The following EPHB6 variants were observed in gnomAD, a reference collection of about 807,000 sequenced individuals.
EPHB6 encodes EPH receptor B6, also known as ephrin type-B receptor 6.
A neutral mutation model predicts 107.0 loss-of-function variants in EPHB6; 51 were observed. The observed-to-expected ratio is 0.48, with a 90% CI of 0.38 to 0.60. EPHB6 has a LOEUF of 0.60. Ranked by LOEUF, EPHB6 falls within the 20% of genes least tolerant of loss-of-function variation. The pLI, the probability that EPHB6 is intolerant of heterozygous loss-of-function variation, is 0.00. For synonymous variants in EPHB6, 553 were observed against 549.0 expected (o/e 1.01, Z -0.10); for missense variants, 1,141 against 1,355.5 (o/e 0.84, Z 2.48).
chr7:142,856,170 G>C (rs1230100903), intron 1 of EPHB6, among the ~76,000 whole-genome samples: 2 of 152,206 alleles, frequency 1.3e-5, no homozygotes, highest in African/African-American at 4.8e-5. Flanking sequence ...CGCCCGCCAG[G>C]GGAACTTGAC....
In EPHB6 at chr7:142,870,343, G is replaced by C. The variant is rs958675514; in HGVS notation, c.2740G>C (p.Ala914Pro). The C allele has an allele frequency of 6.2e-7, 1 of 1,614,214 alleles. No individual in the cohort carries two copies. The highest frequency in any genetic ancestry group is 1.7e-5 in the Admixed American group (1 of 60,030). ...GCGGCCTCATTTTGACCAGCTGGTG[G>C]CTGCATTTGACAAGATGATCCGCAA... ...ARRPHFDQLV[A>P]AFDKMIRKPD... Residue 914 changes from alanine (A) to proline (P), a missense_variant, in exon 18 of 20, where the codon GCT becomes CCT. By Grantham distance (27) the Ala-to-Pro change is conservative. This residue lies in a region of EPHB6 where 616 missense variants were observed against 759.3 expected (regional missense o/e 0.81). Transcript: ENST00000652003.
At position 142,870,304 on chromosome 7, in the gene EPHB6, A is replaced by G. The variant is rs559197009; in HGVS notation, c.2701A>G (p.Lys901Glu). 83 of 1,614,220 alleles carry G rather than the reference A, an allele frequency of 5.1e-5. 1 individual carries two copies. The South Asian group carries it at 8.5e-4, about 16-fold the overall frequency. The change falls in exon 18 of 20, where the codon AAG becomes GAG. Residue 901 changes from lysine to glutamate, a missense_variant. Around this residue, in one of 3 missense-constraint regions of EPHB6, gnomAD observed 616 missense variants for 759.3 expected, o/e 0.81. Coordinates refer to ENST00000652003, the MANE Select transcript of EPHB6 (RefSeq NM_004445.6). ...TCTACTTATGTTGGACACTTGGCAG[A>G]AGGACCGTGCCCGGCGGCCTCATTT... ...LHLLMLDTWQ[K>E]DRARRPHFDQ...
Position 142,855,168 on chromosome 7 carries a change from G to T in EPHB6, c.-649G>T, listed in dbSNP as rs1802538544. On this transcript the variant is annotated 5_prime_UTR_variant, in exon 1 of 20. Coordinates refer to ENST00000652003, the MANE Select transcript of EPHB6 (RefSeq NM_004445.6). The surrounding 1 kb of genome is among the most constrained non-coding windows in gnomAD (Gnocchi z 4.2). Reference sequence around the variant, plus strand: ...CGGCGATCTCGACGCGGGCCCCCAGGATCTCCCGGCGCCCCACCTCTGGAG... The same window carrying T: ...CGGCGATCTCGACGCGGGCCCCCAGTATCTCCCGGCGCCCCACCTCTGGAG... 6.6e-6 allele frequency: 1 copy of T among 151,890 alleles called. No individual in the cohort carries two copies. The highest frequency in any genetic ancestry group is 6.6e-5 in the Admixed American group (1 of 15,264). 9.4% of individuals were successfully genotyped at this position (151,890 alleles called of 1,614,324 possible).
intron 8 of EPHB6, 87 bp from the exon 9 acceptor site, chr7:142,865,873 C>T: frequency 7.0e-7 from 1 of 1,435,164 alleles, no homozygotes; most frequent in Non-Finnish European, 9.8e-7. Context: ...CTCTCGGCCA[C>T]CCACCCTCCC....
chr7:142,865,087 T>G (rs925966120), intron 7 of EPHB6, among the ~76,000 whole-genome samples: 1 of 152,216 alleles, frequency 6.6e-6, no homozygotes, highest in African/African-American at 2.4e-5. Flanking sequence ...GCCCTTCTGT[T>G]GGGAGGGTCC....
chr7:142,860,122 A>G (rs898621352), intron 1 of EPHB6, among the ~76,000 whole-genome samples: 1 of 152,190 alleles, frequency 6.6e-6, no homozygotes. Flanking sequence ...CTTTCAAAAT[A>G]ATTCATTGAA....
Position 142,863,999 on chromosome 7 carries a change from C to T in EPHB6, c.199C>T (p.Arg67Cys), listed in dbSNP as rs751057326. Residue 67 changes from arginine to cysteine, a missense_variant, in exon 7 of 20, where the codon CGC (arginine) becomes TGC (cysteine). Around this residue, in one of 3 missense-constraint regions of EPHB6, gnomAD observed 221 missense variants for 300.5 expected, o/e 0.74. Transcript: ENST00000652003. ...DEVSVLDDQR[R>C]LTRTFEACHV... ...GGTGAGTGTTCTGGACGACCAGCGA[C>T]GCCTGACTCGGACCTTTGAGGCATG... 28 of 1,614,116 alleles carry T rather than the reference C, an allele frequency of 1.7e-5. No individual in the cohort carries two copies. Among genetic ancestry groups the T allele is most frequent in the South Asian group, 2.2e-5 (2 of 91,084 alleles).
chr7:142,865,864 T>C, intron 8 of EPHB6, 96 bp from the exon 9 acceptor site: 1 of 1,193,750 alleles, frequency 8.4e-7, no homozygotes, highest in Non-Finnish European at 1.2e-6. Flanking sequence ...TCTCCTTCCC[T>C]CTCGGCCACC....
Position 142,866,503 on chromosome 7 carries a change from G to A in EPHB6, c.1485G>A (p.Val495=), listed in dbSNP as rs753341146. Residue 495 remains valine (V), a synonymous_variant, in exon 10 of 20, where the codon GTG becomes GTA. Transcript: ENST00000652003. The surrounding 1 kb of genome is among the most constrained non-coding windows in gnomAD (Gnocchi z 5.2). ...SHEVPSAVPV[V]HQVSRASNSI... is the part of the protein sequence containing the mutation. ...TAGTGCCCTCTGCTGTCCCTGTGGTGCACCAGGTGAGCCGGGCATCCAACA... is the reference window on the plus strand; with the variant it reads ...TAGTGCCCTCTGCTGTCCCTGTGGTACACCAGGTGAGCCGGGCATCCAACA... 1.2e-6 allele frequency: 2 copies of A among 1,614,130 alleles called. No individual in the cohort carries two copies. The highest frequency in any genetic ancestry group is 3.3e-5 in the Admixed American group (2 of 60,016).
intron 5 of EPHB6, 58 bp downstream of exon 5, chr7:142,863,385 G>A (rs1802944907): frequency 2.6e-6 from 4 of 1,520,604 alleles, no homozygotes; most frequent in Non-Finnish European, 3.7e-6. Context: ...AGTGAAAGGG[G>A]GAAGTGGGAA....
chr7:142,856,305 G>A (rs1802610915), intron 1 of EPHB6, among the ~76,000 whole-genome samples: 1 of 152,232 alleles, frequency 6.6e-6, no homozygotes, highest in South Asian at 2.1e-4. Context: ...AGGCTTCTGA[G>A]TGCTGCTCAG....
Position 142,868,763 on chromosome 7 carries a change from G to C in EPHB6, c.2286+24G>C, listed in dbSNP as rs374294248. 8.0e-5 allele frequency: 129 copies of C among 1,613,626 alleles called. No homozygotes were observed. The highest frequency in any genetic ancestry group is 1.1e-4 in the Non-Finnish European group (124 of 1,180,020). ...GGGTCAGTCCAGCCTGGGTGAAGGA[G>C]GAGGGTCCTTGGGTCCAGGAAAGCT... On this transcript the variant is annotated intron_variant, in intron 15 of 19. Transcript: ENST00000652003. This position sits in a 1 kb window ranked among gnomAD's most constrained non-coding sequence, Gnocchi z 4.2.
chr7:142,864,102 A>G lies in EPHB6; in HGVS notation c.302A>G (p.Gln101Arg), dbSNP rs1159284709. 1 of 1,613,998 alleles carries G rather than the reference A, an allele frequency of 6.2e-7. No individual in the cohort carries two copies. The highest frequency in any genetic ancestry group is 1.1e-5 in the South Asian group (1 of 91,080). Residue 101 changes from glutamine to arginine, a missense_variant, in exon 7 of 20, where the codon CAG (glutamine) becomes CGG (arginine). Physicochemically the swap from Gln to Arg is conservative, Grantham distance 43. Transcript: ENST00000652003. The part of the protein sequence containing the change: ...QTHFVERRGA[Q>R]RAHIRLHFSV... ...CACTTTGTGGAGCGGCGCGGGGCCC[A>G]GAGGGCGCACATTCGACTCCACTTC...
At chr7:142,857,913 C>T (rs1802677956) in intron 1 of EPHB6, among the ~76,000 whole-genome samples, 1 of 152,236 alleles carries the variant, frequency 6.6e-6, no homozygotes, top group Admixed American at 6.5e-5. Flanking sequence ...CTCATTCATT[C>T]TCAGCTCCTA....
chr7:142,869,636 C>T lies in EPHB6; in HGVS notation c.2461-181C>T, dbSNP rs141658885. On this transcript the variant is annotated intron_variant, in intron 16 of 19. Coordinates refer to ENST00000652003, the MANE Select transcript of EPHB6 (RefSeq NM_004445.6). The surrounding 1 kb of genome is among the most constrained non-coding windows in gnomAD (Gnocchi z 4.5). ...GAGCACATAGTAGTTGCTCCATAAA[C>T]GTGACTATTGCTTCTGCTTCTGTGA... The T allele has an allele frequency of 7.1e-4, 522 of 730,140 alleles. 2 individuals are homozygous for T. The African/African-American group carries it at 7.9e-3, about 11-fold the overall frequency. The allele number at this position is 730,140 out of a possible 1,614,324, so 45.2% of individuals were successfully genotyped here. A position where few individuals can be genotyped will look rare whatever the true frequency, so the allele number is the denominator to read the frequency against.
chr7:142,864,644 C>G lies in EPHB6; in HGVS notation c.844C>G (p.Pro282Ala), dbSNP rs774381060. Residue 282 changes from proline (P) to alanine (A), a missense_variant, in exon 7 of 20, where the codon CCC becomes GCC. Physicochemically the swap from Pro to Ala is conservative, Grantham distance 27. Coordinates refer to ENST00000652003, the MANE Select transcript of EPHB6 (RefSeq NM_004445.6). ...AGTAGGGGGCCAGGCAGGAGGCAGC[C>G]CCCCCAGGCTGCACTGCAACGGGGA... ...DGVGGQAGGSPPRLHCNGEGK... is the reference protein window; with the variant it reads ...DGVGGQAGGSAPRLHCNGEGK... 3.7e-6 allele frequency: 6 copies of G among 1,612,434 alleles called. No homozygotes were observed. In the East Asian group the frequency reaches 8.9e-5, roughly 24 times the overall value.
intron 1 of EPHB6, among the ~76,000 whole-genome samples, chr7:142,859,779 C>CA (rs1452180795): frequency 1.3e-5 from 2 of 152,306 alleles, no homozygotes; most frequent in South Asian, 2.1e-4. Context: ...AGTAAAATTT[C>CA]AAAAAATTGC....
chr7:142,856,820 C>T (rs544277114), intron 1 of EPHB6, among the ~76,000 whole-genome samples: 34 of 152,288 alleles, frequency 2.2e-4, no homozygotes, highest in Middle Eastern at 6.8e-3. Flanking sequence ...CCGGAACCAG[C>T]ACTGATGTGC....
At position 142,871,050 on chromosome 7, in the gene EPHB6, T is replaced by C; in HGVS notation, c.*146T>C. The C allele has an allele frequency of 1.3e-6, 1 of 782,084 alleles. No homozygotes were observed. Among genetic ancestry groups the C allele is most frequent in the South Asian group, 1.5e-5 (1 of 67,300 alleles). The allele number at this position is 782,084 out of a possible 1,614,324, so 48.4% of individuals were successfully genotyped here. On this transcript the variant is annotated 3_prime_UTR_variant, in exon 20 of 20. Coordinates refer to ENST00000652003, the MANE Select transcript of EPHB6 (RefSeq NM_004445.6). ...GCTGCATTCCCTGGTCCTCCGCCTC[T>C]CCACCAGCCCCCTCCTCATTAAAGG... is the stretch of plus-strand genomic sequence containing the variant.
Sources: allele counts gnomAD v4.1 joint callset (sites outside exome capture counted in the v4.1 genomes callset), GRCh38; gene constraint gnomAD v4.1.1; regional missense constraint gnomAD v4.1.1; non-coding constraint Gnocchi (gnomAD v3.1); transcripts MANE v1.5; gene names NCBI Gene and HGNC (gene_info 2026-07-23, HGNC 2026-07-21).